MSANTD3: variants seen among roughly 807,000 people sequenced by gnomAD.
The protein encoded by MSANTD3 is Myb/SANT DNA binding domain containing 3.
MSANTD3 carries 11 observed loss-of-function variants against 27.7 expected under a neutral mutation model. The observed-to-expected ratio is 0.40, with a 90% CI of 0.25 to 0.66. The LOEUF (loss-of-function observed/expected upper bound fraction) is 0.66, where lower values mean the gene tolerates loss of function less well. Among genes scored for constraint, MSANTD3 ranks in the 30% least tolerant of loss-of-function variants. The pLI is 0.41. For missense variants in MSANTD3, 250 were observed against 336.5 expected (o/e 0.74, Z 2.01); for synonymous variants, 131 against 127.2 (o/e 1.03, Z -0.20).
intron 1 of MSANTD3, among the ~76,000 whole-genome samples, chr9:100,430,872 C>T (rs1836360818): frequency 6.6e-6 from 1 of 152,138 alleles, no homozygotes; most frequent in Non-Finnish European, 1.5e-5. Flanking sequence ...TTGGAGTTTT[C>T]TGAGGTACCC....
At chr9:100,430,910 A>G (rs1343515209) in intron 1 of MSANTD3, among the ~76,000 whole-genome samples, 2 of 152,156 alleles carry the variant, frequency 1.3e-5, no homozygotes, top group African/African-American at 4.8e-5. Context: ...TGGCTGATAG[A>G]TAATTGGAAA....
chr9:100,440,295 G>T (rs1330570852), intron 1 of MSANTD3, among the ~76,000 whole-genome samples: 1 of 152,162 alleles, frequency 6.6e-6, no homozygotes, highest in Non-Finnish European at 1.5e-5. Context: ...GGCAGTCCAA[G>T]CTCTGGACTT....
intron 2 of MSANTD3, among the ~76,000 whole-genome samples, chr9:100,442,808 CAAAAAAA>C (rs59051169): frequency 1.6e-4 from 9 of 55,884 alleles, no homozygotes; most frequent in Non-Finnish European, 2.8e-4. Flanking sequence ...GACCCTGTCT[CAAAAAAA>C]AAAAAAAAAA....
intron 1 of MSANTD3, among the ~76,000 whole-genome samples, chr9:100,428,318 CAG>C (rs1383526874): frequency 2.0e-5 from 3 of 152,244 alleles, no homozygotes; most frequent in Admixed American, 2.0e-4. Flanking sequence ...ATATCAGGGC[CAG>C]AGAGTGTGCC....
chr9:100,430,087 C>T (rs1047104265), intron 1 of MSANTD3, among the ~76,000 whole-genome samples: 5 of 142,414 alleles, frequency 3.5e-5, no homozygotes, highest in African/African-American at 1.1e-4. Flanking sequence ...AGTCTCTCCT[C>T]TCTCTCTCAA....
intron 2 of MSANTD3, among the ~76,000 whole-genome samples, chr9:100,442,718 A>C (rs1197578193): frequency 1.4e-5 from 2 of 148,030 alleles, no homozygotes; most frequent in Admixed American, 1.4e-4. Context: ...CTGAGGCTGG[A>C]GGATAACTTG....
At chr9:100,427,771 C>G (rs1287311854) in intron 1 of MSANTD3, among the ~76,000 whole-genome samples, 1 of 152,164 alleles carries the variant, frequency 6.6e-6, no homozygotes, top group Non-Finnish European at 1.5e-5. Flanking sequence ...GTGCTCGGCG[C>G]TTTTCCATAC....
chr9:100,438,523 A>T (rs942554272), intron 1 of MSANTD3, among the ~76,000 whole-genome samples: 9 of 152,128 alleles, frequency 5.9e-5, no homozygotes, highest in Non-Finnish European at 1.2e-4. Context: ...TTCATTTGTG[A>T]ATCAGAGTTC....
At chr9:100,444,874 T>C (rs1302366234) in intron 2 of MSANTD3, 1 of 238,818 alleles carries the variant, frequency 4.2e-6, no homozygotes, top group African/African-American at 2.2e-5. Flanking sequence ...TCTCAGTGTT[T>C]TTCTTATAGT....
At chr9:100,450,421 A>T in intron 2 of MSANTD3, 136 bp from the exon 3 acceptor site, 1 of 749,038 alleles carries the variant, frequency 1.3e-6, no homozygotes, top group Non-Finnish European at 2.0e-6. Flanking sequence ...GGGTCCCTGT[A>T]GACATGAAGA....
chr9:100,429,613 T>C, intron 1 of MSANTD3: 1 of 152,080 alleles, frequency 6.6e-6, no homozygotes, highest in East Asian at 1.9e-4. Flanking sequence ...CATAGAAGAG[T>C]AACTCATTCT....
chr9:100,431,301 C>CTT (rs34098873), intron 1 of MSANTD3, among the ~76,000 whole-genome samples: 16 of 128,608 alleles, frequency 1.2e-4, no homozygotes, highest in East Asian at 2.3e-4. Flanking sequence ...CATGCCTAGC[C>CTT]TTTTTTTTTT....
chr9:100,439,966 A>G (rs1191047158), intron 1 of MSANTD3, among the ~76,000 whole-genome samples: 1 of 152,174 alleles, frequency 6.6e-6, no homozygotes, highest in African/African-American at 2.4e-5. Flanking sequence ...TAGGGGAACG[A>G]TAATGCTTAC....
At chr9:100,449,108 G>A in intron 2 of MSANTD3, 1 of 985,344 alleles carries the variant, frequency 1.0e-6, no homozygotes, top group Middle Eastern at 5.2e-4. Context: ...CCAAGGAGAA[G>A]ATGCTCGTTA....
chr9:100,441,581 G>A (rs1564249666), intron 1 of MSANTD3, among the ~76,000 whole-genome samples: 1 of 152,164 alleles, frequency 6.6e-6, no homozygotes, highest in African/African-American at 2.4e-5. Flanking sequence ...GGAGGTTGCA[G>A]TGAGCTCAGG....
intron 1 of MSANTD3, among the ~76,000 whole-genome samples, chr9:100,434,369 A>G (rs942255268): frequency 6.6e-6 from 1 of 152,062 alleles, no homozygotes; most frequent in Non-Finnish European, 1.5e-5. Context: ...ATCTTTTCTA[A>G]AAGTACAAAA....
At chr9:100,433,057 AC>A (rs1053333162) in intron 1 of MSANTD3, among the ~76,000 whole-genome samples, 1 of 152,186 alleles carries the variant, frequency 6.6e-6, no homozygotes, top group Non-Finnish European at 1.5e-5. Flanking sequence ...TTCAAATGGT[AC>A]AGTCGGGGAG....
intron 1 of MSANTD3, among the ~76,000 whole-genome samples, chr9:100,439,586 T>C (rs1306521027): frequency 6.6e-6 from 1 of 151,780 alleles, no homozygotes; most frequent in Non-Finnish European, 1.5e-5. Context: ...CTCAGCTCAC[T>C]GCAAGCTCCG....
Position 100,442,297 on chromosome 9 carries a change from A to G in MSANTD3, c.359A>G (p.Tyr120Cys), listed in dbSNP as rs750731595. ...KIASMLPEQL[Y>C]FLQSPPEEEP... ...GCCAGCATGCTGCCGGAGCAGCTCTACTTCCTGCAGAGCCCCCCGGAGGAG... is the reference window on the plus strand; with the variant it reads ...GCCAGCATGCTGCCGGAGCAGCTCTGCTTCCTGCAGAGCCCCCCGGAGGAG... The change falls in exon 2 of 3, where the codon TAC becomes TGC. Residue 120 changes from tyrosine (Y) to cysteine (C), a missense_variant. Tyr to Cys is a radical substitution (Grantham distance 194). Coordinates refer to ENST00000395067, the MANE Select transcript of MSANTD3 (RefSeq NM_080655.3). 8.1e-6 allele frequency: 13 copies of G among 1,613,946 alleles called. No individual in the cohort carries two copies. The highest frequency in any genetic ancestry group is 1.3e-5 in the African/African-American group (1 of 74,910).
Sources: allele counts gnomAD v4.1 joint callset (sites outside exome capture counted in the v4.1 genomes callset), GRCh38; gene constraint gnomAD v4.1.1; transcripts MANE v1.5; gene names NCBI Gene and HGNC (gene_info 2026-07-23, HGNC 2026-07-21).